OTUD7A: variants seen among roughly 807,000 people sequenced by gnomAD.
The protein encoded by OTUD7A is OTU domain-containing protein 7A.
OTUD7A carries 12 observed loss-of-function variants against 65.7 expected under a neutral mutation model. The ratio of observed to expected loss-of-function variants is 0.18; its 90% CI spans 0.12 to 0.30. The LOEUF (loss-of-function observed/expected upper bound fraction) is 0.30. Among genes scored for constraint, OTUD7A ranks in the 10% least tolerant of loss-of-function variants. The probability of loss-of-function intolerance (pLI) is 1.00; values close to 1 mark genes in which losing one functional copy is unlikely to be tolerated. For synonymous variants in OTUD7A, 641 were observed against 586.3 expected (o/e 1.09, Z -1.35); for missense variants, 1,148 against 1,304.8 (o/e 0.88, Z 1.85).
intron 10 of OTUD7A, among the ~76,000 whole-genome samples, chr15:31,491,117 G>A (rs960661509): frequency 3.3e-4 from 49 of 148,298 alleles, no homozygotes; most frequent in African/African-American, 1.2e-3. Flanking sequence ...AACCTATGAG[G>A]CGAAAGGAAA....
intron 1 of OTUD7A, among the ~76,000 whole-genome samples, chr15:31,791,008 A>C (rs1567024436): frequency 6.6e-6 from 1 of 152,062 alleles, no homozygotes; most frequent in Non-Finnish European, 1.5e-5. Flanking sequence ...CCTACAACTA[A>C]TGGTCATCTT....
chr15:31,827,045 A>G lies in OTUD7A; in HGVS notation c.-100+43462T>C, dbSNP rs150253342. Among the ~76,000 whole-genome samples, 944 of 152,334 alleles carry G rather than the reference A, an allele frequency of 6.2e-3. 8 individuals are homozygous for G. Among genetic ancestry groups the G allele is most frequent in the African/African-American group, 0.021 (853 of 41,578 alleles). On this transcript the variant is annotated intron_variant, in intron 1 of 12. Coordinates refer to ENST00000307050, the MANE Select transcript of OTUD7A (RefSeq NM_001382637.1). Reference sequence around the variant, plus strand: ...TTTCCTGTCTTCTTCGGAGCCCTCCAAACTGTTCCAACCCCTGCCTGTTAC... The same window carrying G: ...TTTCCTGTCTTCTTCGGAGCCCTCCGAACTGTTCCAACCCCTGCCTGTTAC...
chr15:31,830,695 T>C (rs1896908503), intron 1 of OTUD7A, among the ~76,000 whole-genome samples: 1 of 152,244 alleles, frequency 6.6e-6, no homozygotes, highest in African/African-American at 2.4e-5. Context: ...CACAAAGATG[T>C]GAGCTCAGTT....
chr15:31,745,278 G>T (rs559319361), intron 1 of OTUD7A, among the ~76,000 whole-genome samples: 1 of 152,096 alleles, frequency 6.6e-6, no homozygotes, highest in East Asian at 1.9e-4. Flanking sequence ...AAGCATTCCA[G>T]AACTTAAAGA....
intron 1 of OTUD7A, among the ~76,000 whole-genome samples, chr15:31,794,255 C>T (rs551730507): frequency 3.9e-5 from 6 of 152,234 alleles, no homozygotes; most frequent in African/African-American, 1.2e-4. Flanking sequence ...GTGCTATTGG[C>T]CCATTTGTCT....
chr15:31,546,605 A>C (rs1888139314), intron 5 of OTUD7A, among the ~76,000 whole-genome samples: 1 of 152,190 alleles, frequency 6.6e-6, no homozygotes, highest in South Asian at 2.1e-4. Context: ...ATTGGCCAGC[A>C]CCTTGATCTG....
chr15:31,501,660 T>A (rs201726827), intron 10 of OTUD7A, 30 bp downstream of exon 10: 1 of 1,613,850 alleles, frequency 6.2e-7, no homozygotes, highest in African/African-American at 1.3e-5. Flanking sequence ...CCTAGGCTCC[T>A]GCGTGCACTC....
Position 31,670,657 on chromosome 15 carries a change from G to C in OTUD7A, c.-99-13580C>G, listed in dbSNP as rs192449957. On this transcript the variant is annotated intron_variant, in intron 1 of 12. Transcript: ENST00000307050. ...CTTTCTTGTAAATTTGTTCCTTGTA[G>C]ATTCTGGATATTAGACCTTTATCAG... 2.0e-5 allele frequency among the ~76,000 whole-genome samples: 3 copies of C among 152,242 alleles called. No individual in the cohort carries two copies. The East Asian group carries it at 5.8e-4, about 29-fold the overall frequency.
intron 1 of OTUD7A, among the ~76,000 whole-genome samples, chr15:31,801,918 G>A (rs956209404): frequency 6.6e-6 from 1 of 151,454 alleles, no homozygotes; most frequent in Non-Finnish European, 1.5e-5. Flanking sequence ...TGACACACAT[G>A]GTGTACGCAT....
chr15:31,484,574 GCTTCTC>G lies in OTUD7A; in HGVS notation c.1516_1521del (p.Glu506_Lys507del), dbSNP rs1289433109. 3 of 1,610,974 alleles carry G rather than the reference GCTTCTC, an allele frequency of 1.9e-6. No homozygotes were observed. In the South Asian group the frequency reaches 3.3e-5, roughly 18 times the overall value. On this transcript the variant is annotated inframe_deletion, in exon 13 of 13. Coordinates refer to ENST00000307050, the MANE Select transcript of OTUD7A (RefSeq NM_001382637.1). This position sits in a 1 kb window ranked among gnomAD's most constrained non-coding sequence, Gnocchi z 4.5. The stretch of plus-strand genomic sequence containing the variant: ...CGCGTCTTGTCCTTCTCCTTGCGCT[GCTTCTC>G]CTTCTCCTTGTCCTTGCCGTTCTTG...
At chr15:31,618,181 A>T (rs371989193) in intron 3 of OTUD7A, among the ~76,000 whole-genome samples, 4 of 152,072 alleles carry the variant, frequency 2.6e-5, no homozygotes, top group African/African-American at 4.8e-5. Context: ...TCTATCATTG[A>T]TGGACATTTG....
At chr15:31,647,071 C>G (rs550895976) in intron 3 of OTUD7A, among the ~76,000 whole-genome samples, 1 of 152,088 alleles carries the variant, frequency 6.6e-6, no homozygotes, top group Non-Finnish European at 1.5e-5. Context: ...TCCCCAAATA[C>G]GTCTGGTCTA....
intron 3 of OTUD7A, among the ~76,000 whole-genome samples, chr15:31,630,605 G>A (rs1891114677): frequency 6.6e-6 from 1 of 152,188 alleles, no homozygotes; most frequent in Admixed American, 6.5e-5. Context: ...TATTAGGTCT[G>A]CCTGCTGCAG....
At chr15:31,562,866 T>C (rs1198314879) in intron 4 of OTUD7A, among the ~76,000 whole-genome samples, 1 of 152,138 alleles carries the variant, frequency 6.6e-6, no homozygotes, top group Non-Finnish European at 1.5e-5. Context: ...CAGCCCAGAT[T>C]GGGCTCACAG....
intron 1 of OTUD7A, among the ~76,000 whole-genome samples, chr15:31,660,133 T>C (rs1196458219): frequency 1.3e-5 from 2 of 152,288 alleles, no homozygotes; most frequent in African/African-American, 4.8e-5. Flanking sequence ...TGACTACCCA[T>C]ACATTTATAC....
intron 1 of OTUD7A, among the ~76,000 whole-genome samples, chr15:31,729,464 C>T (rs1442491667): frequency 3.9e-5 from 6 of 152,166 alleles, no homozygotes; most frequent in African/African-American, 7.2e-5. Flanking sequence ...CACATTAATA[C>T]GGAAGCTTGC....
Position 31,617,875 on chromosome 15 carries a change from C to T in OTUD7A, c.151+37221G>A, listed in dbSNP as rs140270586. On this transcript the variant is annotated intron_variant, in intron 3 of 12. Transcript: ENST00000307050. Reference sequence around the variant, plus strand: ...ACATGTGCCATGTTGGTGTGCTGCACCCATTAATTCGTCATTCACATTACG... The same window carrying T: ...ACATGTGCCATGTTGGTGTGCTGCATCCATTAATTCGTCATTCACATTACG... 2.0e-3 allele frequency among the ~76,000 whole-genome samples: 302 copies of T among 152,088 alleles called. 1 individual carries two copies. The highest frequency in any genetic ancestry group is 6.9e-3 in the African/African-American group (288 of 41,460).
rs74680137 is a variant in OTUD7A, at chr15:31,859,402, C to T, written c.-100+11105G>A. Reference sequence around the variant, plus strand: ...TAATACATTGTTATTAATTTAGCCACCACATTATACAACAGATCTCATGAA... The same window carrying T: ...TAATACATTGTTATTAATTTAGCCATCACATTATACAACAGATCTCATGAA... On this transcript the variant is annotated intron_variant, in intron 1 of 12. Transcript: ENST00000307050. 6.4e-3 allele frequency among the ~76,000 whole-genome samples: 979 copies of T among 152,274 alleles called. 12 individuals carry two copies. Among genetic ancestry groups the T allele is most frequent in the African/African-American group, 0.023 (947 of 41,540 alleles).
rs1268438374 is a variant in OTUD7A, at chr15:31,479,298, C to T, written c.*3996G>A. ...TCTGTCTGGCCCAGCAGGGCTTGCT[C>T]AGCCACAGAAACACATTTCTTCTTA... On this transcript the variant is annotated 3_prime_UTR_variant, in exon 13 of 13. Transcript: ENST00000307050. 1 of 152,168 alleles carries T rather than the reference C, an allele frequency of 6.6e-6. No homozygotes were observed. Among genetic ancestry groups the T allele is most frequent in the African/African-American group, 2.4e-5 (1 of 41,432 alleles). 9.4% of individuals were successfully genotyped at this position (152,168 alleles called of 1,614,324 possible).
Sources: gnomAD v4.1 joint callset for allele counts (sites outside exome capture counted in the v4.1 genomes callset) on GRCh38, gnomAD v4.1.1 for gene constraint, Gnocchi (gnomAD v3.1) non-coding constraint, MANE v1.5 for transcripts, NCBI Gene and HGNC (gene_info 2026-07-23, HGNC 2026-07-21) for gene names.